NAV3: variants seen among roughly 807,000 people sequenced by gnomAD.
NAV3 encodes the protein pore membrane and/or filament interacting like protein 1.
In NAV3, 87 loss-of-function variants were observed where a neutral mutation model predicts 244.7. That is an observed-to-expected ratio of 0.36 (90% CI 0.30 to 0.42). The LOEUF is 0.42. NAV3 is among the 20% of genes least tolerant of loss of function. The pLI, the probability that NAV3 is intolerant of heterozygous loss-of-function variation, is 1.00. For missense variants in NAV3, 2,663 were observed against 2,893.3 expected, an observed-to-expected ratio of 0.92 and a Z score of 1.83; for synonymous variants, 1,126 against 1,042.2, an observed-to-expected ratio of 1.08 and a Z score of -1.55.
chr12:77,596,223 C>G (rs554507087), intron 2 of NAV3, among the ~76,000 whole-genome samples: 2 of 152,156 alleles, frequency 1.3e-5, no homozygotes, highest in Non-Finnish European at 2.9e-5. Flanking sequence ...ATAACAATTA[C>G]ACCAGTTGCT....
chr12:77,973,705 C>T (rs1893203531), intron 5 of NAV3, among the ~76,000 whole-genome samples: 3 of 152,050 alleles, frequency 2.0e-5, no homozygotes, highest in Admixed American at 1.3e-4. Context: ...GGACAGTTTA[C>T]AGCTTTTTGG....
intron 1 of NAV3, among the ~76,000 whole-genome samples, chr12:77,848,929 A>G (rs1207636739): frequency 6.6e-6 from 1 of 152,182 alleles, no homozygotes; most frequent in Non-Finnish European, 1.5e-5. Flanking sequence ...TACTTGAAAG[A>G]GATATGTGCT....
At chr12:77,656,164 A>T (rs1873092927) in intron 2 of NAV3, among the ~76,000 whole-genome samples, 1 of 149,532 alleles carries the variant, frequency 6.7e-6, no homozygotes, top group East Asian at 1.9e-4. Context: ...CAGACTGGCA[A>T]ATTGGATAAA....
chr12:77,600,239 C>T (rs895052827), intron 2 of NAV3, among the ~76,000 whole-genome samples: 3 of 151,920 alleles, frequency 2.0e-5, no homozygotes, highest in Non-Finnish European at 2.9e-5. Flanking sequence ...AGAATTGGTA[C>T]AGCATATCTT....
intron 2 of NAV3, among the ~76,000 whole-genome samples, chr12:77,789,981 T>A (rs75287534): frequency 2.2e-3 from 335 of 152,202 alleles, no homozygotes; most frequent in African/African-American, 7.6e-3. Context: ...CTAGAATATA[T>A]TTTCCTCATC....
At chr12:77,836,033 A>G (rs991108097) in intron 1 of NAV3, among the ~76,000 whole-genome samples, 1 of 152,150 alleles carries the variant, frequency 6.6e-6, no homozygotes, top group Non-Finnish European at 1.5e-5. Flanking sequence ...TTCCTTAGCT[A>G]TATCTTGTTC....
At chr12:77,707,728 T>C (rs985750156) in intron 2 of NAV3, among the ~76,000 whole-genome samples, 15 of 152,178 alleles carry the variant, frequency 9.9e-5, no homozygotes, top group African/African-American at 3.6e-4. Context: ...CACCGGTTGT[T>C]TCCTGACTTT....
chr12:77,636,124 C>A (rs1044505887), intron 2 of NAV3, among the ~76,000 whole-genome samples: 1 of 152,020 alleles, frequency 6.6e-6, no homozygotes, highest in Non-Finnish European at 1.5e-5. Flanking sequence ...CAAATCAAAA[C>A]CACAATGAGA....
At chr12:77,940,120 T>C (rs945201703) in intron 1 of NAV3, 199 bp from the exon 2 acceptor site, 5 of 515,002 alleles carry the variant, frequency 9.7e-6, no homozygotes, top group African/African-American at 7.7e-5. Flanking sequence ...GAGTGAATCA[T>C]CCCCTTTGAA....
intron 2 of NAV3, among the ~76,000 whole-genome samples, chr12:77,811,878 A>G (rs1520728): frequency 0.92 from 140,786 of 152,246 alleles, 65,993 homozygotes; most frequent in East Asian, 1. Flanking sequence ...TACATTCACA[A>G]TATTGTGAAT....
intron 18 of NAV3, among the ~76,000 whole-genome samples, chr12:78,134,999 C>T (rs1956312756): frequency 6.6e-6 from 1 of 152,020 alleles, no homozygotes; most frequent in Non-Finnish European, 1.5e-5. Flanking sequence ...TCGAATGGAT[C>T]TTATAGTCCT....
chr12:78,024,919 G>A (rs1023742456), intron 9 of NAV3, among the ~76,000 whole-genome samples: 1 of 151,744 alleles, frequency 6.6e-6, no homozygotes, highest in African/African-American at 2.4e-5. Context: ...AGCTTGCAGT[G>A]AGCCGAGATA....
At chr12:77,849,350 A>G (rs530896358) in intron 1 of NAV3, among the ~76,000 whole-genome samples, 1 of 152,152 alleles carries the variant, frequency 6.6e-6, no homozygotes, top group South Asian at 2.1e-4. Flanking sequence ...GAGACTGTTC[A>G]TGATTTATTG....
chr12:78,107,674 A>G (rs1954873587), intron 12 of NAV3, among the ~76,000 whole-genome samples: 1 of 152,148 alleles, frequency 6.6e-6, no homozygotes, highest in Admixed American at 6.5e-5. Flanking sequence ...TGAAGGAGAA[A>G]TAAAAGGTTT....
chr12:77,654,355 G>C (rs1283929802), intron 2 of NAV3, among the ~76,000 whole-genome samples: 2 of 152,220 alleles, frequency 1.3e-5, no homozygotes, highest in African/African-American at 4.8e-5. Flanking sequence ...CTGATTGCTA[G>C]TACAGCAGTC....
chr12:78,160,410 T>TGTGCGTGCGTGC (rs1555184882), intron 23 of NAV3, among the ~76,000 whole-genome samples: 2 of 127,842 alleles, frequency 1.6e-5, no homozygotes, highest in Non-Finnish European at 3.5e-5. Context: ...CGTGCGTGTG[T>TGTGCGTGCGTGC]GTGTGTGTGT....
At chr12:77,645,536 T>TAAAAAAAAAAAAAAAAAAAAA (rs756805711) in intron 2 of NAV3, among the ~76,000 whole-genome samples, 1 of 63,008 alleles carries the variant, frequency 1.6e-5, no homozygotes, top group African/African-American at 7.3e-5. Flanking sequence ...TCTCTCTCTC[T>TAAAAAAAAAAAAAAAAAAAAA]AAAAAAAAAA....
intron 2 of NAV3, among the ~76,000 whole-genome samples, chr12:77,767,172 C>T (rs531964212): frequency 6.6e-6 from 1 of 152,298 alleles, no homozygotes; most frequent in East Asian, 1.9e-4. Context: ...ATTTAAGTTA[C>T]TTGAACTCAC....
At chr12:77,610,588 G>A (rs900055584) in intron 2 of NAV3, among the ~76,000 whole-genome samples, 3 of 152,064 alleles carry the variant, frequency 2.0e-5, no homozygotes, top group South Asian at 2.1e-4. Flanking sequence ...ACAGATAGAC[G>A]TGGTCACAGA....
Sources: gnomAD v4.1 joint callset for allele counts (sites outside exome capture counted in the v4.1 genomes callset) on GRCh38, gnomAD v4.1.1 for gene constraint, MANE v1.5 for transcripts, NCBI Gene and HGNC (gene_info 2026-07-23, HGNC 2026-07-21) for gene names.